Variants in CTNNA3 observed in about 807,000 individuals in gnomAD.
CTNNA3 encodes the protein catenin alpha-3.
A neutral mutation model predicts 95.7 loss-of-function variants in CTNNA3; 76 were observed. The ratio of observed to expected loss-of-function variants is 0.79; its 90% CI spans 0.66 to 0.96. The LOEUF is 0.96. Ranked by LOEUF, CTNNA3 falls within the 40% of genes least tolerant of loss-of-function variation. CTNNA3 has a pLI of 0.00. For missense variants in CTNNA3, 1,191 were observed against 1,089.8 expected (o/e 1.09, Z -1.31); for synonymous variants, 431 against 374.4 (o/e 1.15, Z -1.74).
chr10:66,396,383 T>C (rs573700012), intron 11 of CTNNA3, among the ~76,000 whole-genome samples: 52 of 152,130 alleles, frequency 3.4e-4, no homozygotes, highest in Middle Eastern at 3.4e-3. Context: ...TAATTAATGA[T>C]GTAGTTTACT....
At chr10:67,212,533 T>C (rs1397176535) in intron 6 of CTNNA3, among the ~76,000 whole-genome samples, 4 of 152,004 alleles carry the variant, frequency 2.6e-5, no homozygotes, top group Non-Finnish European at 4.4e-5. Context: ...TGGCCTCATG[T>C]CTAAGTTTAA....
intron 4 of CTNNA3, among the ~76,000 whole-genome samples, chr10:67,526,746 G>A (rs145167098): frequency 6.6e-6 from 1 of 152,236 alleles, no homozygotes; most frequent in Non-Finnish European, 1.5e-5. Flanking sequence ...AGCTTTATAG[G>A]TTACTGCTTT....
At chr10:66,250,930 T>C (rs1360826303) in intron 13 of CTNNA3, among the ~76,000 whole-genome samples, 1 of 152,240 alleles carries the variant, frequency 6.6e-6, no homozygotes, top group Non-Finnish European at 1.5e-5. Context: ...TTGAATTGAC[T>C]AGTTACCATA....
intron 7 of CTNNA3, among the ~76,000 whole-genome samples, chr10:66,930,921 T>C (rs1366739373): frequency 1.3e-5 from 2 of 152,170 alleles, no homozygotes; most frequent in Non-Finnish European, 2.9e-5. Flanking sequence ...ATGAATCTTC[T>C]GTAATTCTCA....
chr10:66,107,572 C>T (rs1470773992), intron 13 of CTNNA3, among the ~76,000 whole-genome samples: 1 of 152,092 alleles, frequency 6.6e-6, no homozygotes. Context: ...GAAGCCAGGA[C>T]AGCAATGACA....
Position 66,691,592 on chromosome 10 carries a change from G to T in CTNNA3, c.1282-69808C>A, listed in dbSNP as rs192941110. Reference sequence around the variant, plus strand: ...CAGACTTAAATGTCCCTCTCTGACAGCTCTGAAGAGAGCAGTGGTTATCCC... The same window carrying T: ...CAGACTTAAATGTCCCTCTCTGACATCTCTGAAGAGAGCAGTGGTTATCCC... On this transcript the variant is annotated intron_variant, in intron 9 of 17. Transcript: ENST00000433211. Among the ~76,000 whole-genome samples the T allele has an allele frequency of 1.6e-3, 243 of 152,322 alleles. 2 individuals are homozygous for T. The highest frequency in any genetic ancestry group is 2.2e-3 in the Non-Finnish European group (149 of 68,028).
intron 12 of CTNNA3, among the ~76,000 whole-genome samples, chr10:66,334,156 A>T (rs1200127564): frequency 6.6e-6 from 1 of 151,960 alleles, no homozygotes; most frequent in Non-Finnish European, 1.5e-5. Context: ...TGAATACAGC[A>T]CACTGATGGG....
intron 11 of CTNNA3, among the ~76,000 whole-genome samples, chr10:66,489,279 A>G (rs556837029): frequency 5.9e-5 from 9 of 152,318 alleles, no homozygotes; most frequent in African/African-American, 1.7e-4. Context: ...TCTCTTGTCC[A>G]TAAACAGTTC....
rs549623982 is a variant in CTNNA3, at chr10:66,836,463, T to A, written c.1048-60939A>T. Among the ~76,000 whole-genome samples the A allele has an allele frequency of 3.9e-5, 6 of 152,206 alleles. No homozygotes were observed. The South Asian group carries it at 1.2e-3, about 32-fold the overall frequency. On this transcript the variant is annotated intron_variant, in intron 7 of 17. Transcript: ENST00000433211. The stretch of plus-strand genomic sequence containing the variant: ...CCAAATGGAGCTCCATTATCCTGAG[T>A]ATCCAACACTCAGAACTTGATTTGG...
intron 12 of CTNNA3, among the ~76,000 whole-genome samples, chr10:66,345,573 T>C (rs1025824560): frequency 1.3e-5 from 2 of 152,104 alleles, no homozygotes; most frequent in Admixed American, 6.5e-5. Context: ...ACAATTCTTT[T>C]CTGAGAATAA....
At chr10:66,732,084 A>G (rs1235082161) in intron 9 of CTNNA3, among the ~76,000 whole-genome samples, 1 of 152,252 alleles carries the variant, frequency 6.6e-6, no homozygotes, top group Non-Finnish European at 1.5e-5. Flanking sequence ...ATTTAACTTT[A>G]GGGGAAATAA....
intron 2 of CTNNA3, among the ~76,000 whole-genome samples, chr10:67,624,085 G>C (rs1422404392): frequency 1.3e-5 from 2 of 152,076 alleles, no homozygotes; most frequent in African/African-American, 4.8e-5. Context: ...GCCTCCCAAA[G>C]TACTGGGATT....
rs145207749 is a variant in CTNNA3 at position 67,381,578 on chromosome 10, C to T, written c.579+140264G>A. ...GACACAAAGCTTGAGCTAAATGTAC[C>T]ACCCTCTCCTCATACCACCACCCTC... On this transcript the variant is annotated intron_variant, in intron 5 of 17. Coordinates refer to ENST00000433211, the MANE Select transcript of CTNNA3 (RefSeq NM_013266.4). Among the ~76,000 whole-genome samples, 299 of 152,084 alleles carry T rather than the reference C, an allele frequency of 2.0e-3. 3 individuals are homozygous for T. The highest frequency in any genetic ancestry group is 6.7e-3 in the African/African-American group (277 of 41,482).
chr10:66,470,920 G>C (rs1458640402), intron 11 of CTNNA3, among the ~76,000 whole-genome samples: 1 of 151,852 alleles, frequency 6.6e-6, no homozygotes, highest in Admixed American at 6.6e-5. Context: ...TGTACTGGAA[G>C]AAAAAAGTGA....
chr10:66,766,353 C>T lies in CTNNA3; in HGVS notation c.1192G>A (p.Val398Ile), dbSNP rs145043626. 4.7e-5 allele frequency: 76 copies of T among 1,613,618 alleles called. No homozygotes were observed. In the African/African-American group the frequency reaches 7.9e-4, roughly 17 times the overall value. The change falls in exon 9 of 18, where the codon GTT becomes ATT. Residue 398 changes from valine (V) to isoleucine (I), a missense_variant. By Grantham distance (29) the Val-to-Ile change is conservative. Transcript: ENST00000433211. ...CCATTCTTAGCAGCTTCAATGAGAA[C>T]CAAAAGAGGGACTGTCGTATCCAGG... is the stretch of plus-strand genomic sequence containing the variant. ...SFLDTTVPLL[V>I]LIEAAKNGRE...
intron 5 of CTNNA3, among the ~76,000 whole-genome samples, chr10:67,283,862 TG>T (rs1256503181): frequency 6.6e-6 from 1 of 152,224 alleles, no homozygotes; most frequent in Non-Finnish European, 1.5e-5. Flanking sequence ...AATATCCTTT[TG>T]AACAATCATA....
chr10:67,408,002 G>A (rs1845204521), intron 5 of CTNNA3, among the ~76,000 whole-genome samples: 1 of 152,024 alleles, frequency 6.6e-6, no homozygotes, highest in Non-Finnish European at 1.5e-5. Context: ...TTGCCACAAT[G>A]AGAATAAAAT....
chr10:66,925,547 G>A (rs1044434795), intron 7 of CTNNA3, among the ~76,000 whole-genome samples: 2 of 152,126 alleles, frequency 1.3e-5, no homozygotes, highest in Non-Finnish European at 2.9e-5. Context: ...CTTGTCATCA[G>A]TCATCCCCTC....
intron 7 of CTNNA3, among the ~76,000 whole-genome samples, chr10:67,012,102 T>C (rs576606219): frequency 6.6e-6 from 1 of 152,264 alleles, no homozygotes; most frequent in East Asian, 1.9e-4. Flanking sequence ...CAAACACAAC[T>C]CTCTCTGGCT....
Sources: allele counts gnomAD v4.1 joint callset (sites outside exome capture counted in the v4.1 genomes callset), GRCh38; gene constraint gnomAD v4.1.1; transcripts MANE v1.5; gene names NCBI Gene and HGNC (gene_info 2026-07-23, HGNC 2026-07-21).